Variants in HADHA observed in about 807,000 individuals in gnomAD.
HADHA encodes the protein trifunctional enzyme subunit alpha, mitochondrial.
Under a neutral mutation model 91.3 loss-of-function variants are expected in HADHA, and 59 were observed. The observed-to-expected ratio is 0.65, with a 90% CI of 0.52 to 0.80. HADHA has a LOEUF of 0.80. Ranked by LOEUF, HADHA falls within the 30% of genes least tolerant of loss-of-function variation. The pLI, the probability that HADHA is intolerant of heterozygous loss-of-function variation, is 0.00. For missense variants in HADHA, 800 were observed against 927.6 expected, an observed-to-expected ratio of 0.86 and a Z score of 1.79; for synonymous variants, 320 against 338.9, an observed-to-expected ratio of 0.94 and a Z score of 0.61.
intron 4 of HADHA, among the ~76,000 whole-genome samples, chr2:26,236,338 G>GTGT (rs1670750115): frequency 1.0e-4 from 10 of 100,464 alleles, no homozygotes; most frequent in Admixed American, 9.5e-4. Flanking sequence ...TAGATCACAT[G>GTGT]ATGTGTGTGT....
At chr2:26,198,516 G>A (rs1371296786) in intron 13 of HADHA, among the ~76,000 whole-genome samples, 1 of 151,872 alleles carries the variant, frequency 6.6e-6, no homozygotes, top group Admixed American at 6.6e-5. Flanking sequence ...ACGTGGAAGG[G>A]ACACCTGTCA....
In HADHA at chr2:26,209,813, T is replaced by G. The variant is rs754227963; in HGVS notation, c.1052A>C (p.Lys351Thr). Reference protein sequence around the residue: ...GLYHGQVLCKKNKFGAPQKDV... With the variant: ...GLYHGQVLCKTNKFGAPQKDV... Reference sequence around the variant, plus strand: ...CTTCTGTGGAGCTCCAAATTTATTCTTCTTGCACAGGACCTGACCATGGTA... The same window carrying G: ...CTTCTGTGGAGCTCCAAATTTATTCGTCTTGCACAGGACCTGACCATGGTA... The change falls in exon 11 of 20, where the codon AAG (lysine) becomes ACG (threonine). Residue 351 changes from lysine to threonine, a missense_variant. Transcript: ENST00000380649. 4.4e-6 allele frequency: 7 copies of G among 1,596,478 alleles called. No homozygotes were observed. In the South Asian group the frequency reaches 7.7e-5, roughly 18 times the overall value.
At chr2:26,222,521 G>T (rs914486898) in intron 7 of HADHA, among the ~76,000 whole-genome samples, 1 of 152,152 alleles carries the variant, frequency 6.6e-6, no homozygotes, top group Non-Finnish European at 1.5e-5. Flanking sequence ...GGGATGACTC[G>T]TTCTATGGAT....
intron 7 of HADHA, among the ~76,000 whole-genome samples, chr2:26,226,669 C>G (rs1233533264): frequency 6.6e-6 from 1 of 152,132 alleles, no homozygotes. Context: ...CATATACAAA[C>G]TTGAAATGAA....
In HADHA at chr2:26,213,522, C is replaced by T. The variant is rs1670151373; in HGVS notation, c.919-896G>A. Among the ~76,000 whole-genome samples, 3 of 152,186 alleles carry T rather than the reference C, an allele frequency of 2.0e-5. No homozygotes were observed. In the South Asian group the frequency reaches 6.2e-4, roughly 32 times the overall value. On this transcript the variant is annotated intron_variant, in intron 9 of 19. Transcript: ENST00000380649. The stretch of plus-strand genomic sequence containing the variant: ...GGTCTCACTAATGTTCCTTGAAGAG[C>T]TTGTTTTCCAGCTTCCATAACTTTG...
At chr2:26,201,477 A>G (rs1669833120) in intron 12 of HADHA, among the ~76,000 whole-genome samples, 157 bp from the exon 13 acceptor site, 1 of 152,226 alleles carries the variant, frequency 6.6e-6, no homozygotes, top group Non-Finnish European at 1.5e-5. Flanking sequence ...GTTTAGTCTT[A>G]GAGGGACCTG....
At chr2:26,212,032 CCTT>C (rs1670112979) in intron 10 of HADHA, 1 of 159,096 alleles carries the variant, frequency 6.3e-6, no homozygotes, top group African/African-American at 2.4e-5. Flanking sequence ...GTAGAGACAA[CCTT>C]ATTACTAAAA....
intron 14 of HADHA, 125 bp downstream of exon 14, chr2:26,197,566 A>T (rs1669708527): frequency 2.8e-6 from 2 of 718,702 alleles, no homozygotes; most frequent in Non-Finnish European, 5.1e-6. Context: ...TATTGTGTCC[A>T]GTGTTTAGGA....
At chr2:26,215,231 A>G in intron 7 of HADHA, 56 bp from the exon 8 acceptor site, 1 of 1,577,464 alleles carries the variant, frequency 6.3e-7, no homozygotes, top group Non-Finnish European at 8.7e-7. Context: ...AGTCCCAGGT[A>G]GTGAAAAACC....
chr2:26,194,051 TAAG>T (rs754479314), intron 16 of HADHA, among the ~76,000 whole-genome samples: 2 of 152,116 alleles, frequency 1.3e-5, no homozygotes, highest in African/African-American at 2.4e-5. Context: ...ATCTCAATAA[TAAG>T]GAGATTGCAT....
At chr2:26,213,291 C>G (rs1254378956) in intron 9 of HADHA, among the ~76,000 whole-genome samples, 1 of 152,168 alleles carries the variant, frequency 6.6e-6, no homozygotes, top group Non-Finnish European at 1.5e-5. Context: ...AAAGCTCAAG[C>G]CTGGATTATC....
intron 7 of HADHA, among the ~76,000 whole-genome samples, chr2:26,227,021 G>A (rs191938279): frequency 5.9e-5 from 9 of 152,124 alleles, no homozygotes; most frequent in Middle Eastern, 3.4e-3. Context: ...GAGACTGTGA[G>A]GAAATATTTG....
intron 4 of HADHA, among the ~76,000 whole-genome samples, chr2:26,234,682 T>G (rs1448802075): frequency 6.7e-6 from 1 of 149,558 alleles, no homozygotes; most frequent in Non-Finnish European, 1.5e-5. Context: ...AGGAGAACAG[T>G]GTGAAACCGG....
In HADHA at chr2:26,234,244, A is replaced by C. The variant is rs779519125; in HGVS notation, c.426T>G (p.Asn142Lys). 1 of 1,614,016 alleles carries C rather than the reference A, an allele frequency of 6.2e-7. No homozygotes were observed. The change falls in exon 5 of 20, where the codon AAT (asparagine) becomes AAG (lysine). Residue 142 changes from asparagine (N) to lysine (K), a missense_variant. Coordinates refer to ENST00000380649, the MANE Select transcript of HADHA (RefSeq NM_000182.5). ...CAAGTCCTCCTCCCAGGCAGGATCC[A>C]TTGATGGCAGCCACAATAGGCTTTG... The part of the protein sequence containing the change: ...KSTKPIVAAI[N>K]GSCLGGGLEV...
chr2:26,229,689 A>C lies in HADHA; in HGVS notation c.676+503T>G, dbSNP rs1319408660. Among the ~76,000 whole-genome samples the C allele has an allele frequency of 6.6e-6, 1 of 152,252 alleles. No individual in the cohort carries two copies. The highest frequency in any genetic ancestry group is 2.4e-5 in the African/African-American group (1 of 41,472). On this transcript the variant is annotated intron_variant, in intron 7 of 19. Coordinates refer to ENST00000380649, the MANE Select transcript of HADHA (RefSeq NM_000182.5). This position sits in a 1 kb window ranked among gnomAD's most constrained non-coding sequence, Gnocchi z 4.3. ...ATTCTGTACTCCTAATGTTCTAATT[A>C]TAAAGCAAAATAAAAATCAGGGTGA...
rs1670175990 is a variant in HADHA at position 26,214,634 on chromosome 2, CTA to C, written c.800-75_800-74del. ...CCCTTGTTAGTTTATGCTCTAAACT[CTA>C]TAAAAATGAAGTAATTCTAGCTATC... is the stretch of plus-strand genomic sequence containing the variant. On this transcript the variant is annotated intron_variant, in intron 8 of 19. Coordinates refer to ENST00000380649, the MANE Select transcript of HADHA (RefSeq NM_000182.5). The surrounding 1 kb of genome is among the most constrained non-coding windows in gnomAD (Gnocchi z 4.1). The C allele has an allele frequency of 2.4e-6, 2 of 834,110 alleles. No individual in the cohort carries two copies. The highest frequency in any genetic ancestry group is 2.1e-6 in the Non-Finnish European group (1 of 478,112). The allele number at this position is 834,110 out of a possible 1,614,324, so 51.7% of individuals were successfully genotyped here.
At chr2:26,216,074 C>T (rs1457748906) in intron 7 of HADHA, among the ~76,000 whole-genome samples, 5 of 152,150 alleles carry the variant, frequency 3.3e-5, no homozygotes, top group Non-Finnish European at 4.4e-5. Context: ...TCAAGACCAG[C>T]CTGGGCAACA....
chr2:26,193,538 A>C (rs1357590296), intron 17 of HADHA, 39 bp downstream of exon 17: 2 of 1,508,454 alleles, frequency 1.3e-6, no homozygotes, highest in African/African-American at 2.7e-5. Context: ...AGAACTTTGT[A>C]ACTAATGGTG....
At chr2:26,220,127 G>T (rs1670339573) in intron 7 of HADHA, among the ~76,000 whole-genome samples, 1 of 152,150 alleles carries the variant, frequency 6.6e-6, no homozygotes, top group African/African-American at 2.4e-5. Flanking sequence ...AATTCTAGGG[G>T]ACCCAAACTT....
Sources: gnomAD v4.1 joint callset for allele counts (sites outside exome capture counted in the v4.1 genomes callset) on GRCh38, gnomAD v4.1.1 for gene constraint, Gnocchi (gnomAD v3.1) non-coding constraint, MANE v1.5 for transcripts, NCBI Gene and HGNC (gene_info 2026-07-23, HGNC 2026-07-21) for gene names.